The following ZNF506 variants were observed in gnomAD, a reference collection of about 807,000 sequenced individuals.
The protein encoded by ZNF506 is zinc finger protein 506.
ZNF506 carries 10 observed loss-of-function variants against 11.6 expected under a neutral mutation model. The ratio of observed to expected loss-of-function variants is 0.86; its 90% CI spans 0.53 to 1.46. The LOEUF (loss-of-function observed/expected upper bound fraction) is 1.46, where lower values mean the gene tolerates loss of function less well. ZNF506 is among the 40% of genes most tolerant of loss of function. The pLI is 0.00. For missense variants in ZNF506, 425 were observed against 521.2 expected (o/e 0.82, Z 1.80); for synonymous variants, 156 against 173.3 (o/e 0.90, Z 0.78).
At chr19:19,806,743 G>A (rs2062838491) in intron 2 of ZNF506, among the ~76,000 whole-genome samples, 199 bp downstream of exon 2, 1 of 152,058 alleles carries the variant, frequency 6.6e-6, no homozygotes, top group African/African-American at 2.4e-5. Flanking sequence ...GCTCAACTCA[G>A]GAATGTGGAA....
At position 19,795,520 on chromosome 19, in the gene ZNF506, A is replaced by G. The variant is rs761921249; in HGVS notation, c.367T>C (p.Cys123Arg). 47 of 1,598,766 alleles carry G rather than the reference A, an allele frequency of 2.9e-5. No individual in the cohort carries two copies. Among genetic ancestry groups the G allele is most frequent in the African/African-American group, 5.4e-5 (4 of 73,884 alleles). The change falls in exon 4 of 4, where the codon TGT becomes CGT. Residue 123 changes from cysteine (C) to arginine (R), a missense_variant. Physicochemically the swap from Cys to Arg is radical, Grantham distance 180. This residue lies in a region of ZNF506 where 226 missense variants were observed against 279.1 expected (regional missense o/e 0.81). Transcript: ENST00000540806. ...LKKGCESVDE[C>R]PVHKRGYNGL... is the part of the protein sequence containing the mutation. ...TTATAACCTCTTTTGTGCACTGGAC[A>G]CTCATCTACACTTTCACAGCCTTTT...
intron 1 of ZNF506, among the ~76,000 whole-genome samples, chr19:19,810,512 AG>A (rs1256390119): frequency 1.3e-5 from 2 of 152,334 alleles, no homozygotes; most frequent in African/African-American, 4.8e-5. Context: ...ATGTAGTTAA[AG>A]GTCCCAGCAT....
intron 1 of ZNF506, among the ~76,000 whole-genome samples, chr19:19,814,794 C>CT (rs927076155): frequency 2.7e-4 from 41 of 152,138 alleles, no homozygotes; most frequent in African/African-American, 9.9e-4. Flanking sequence ...GGGCTGTACT[C>CT]TATTTATTTC....
chr19:19,811,363 T>G (rs1355354343), intron 1 of ZNF506, among the ~76,000 whole-genome samples: 2 of 152,158 alleles, frequency 1.3e-5, no homozygotes, highest in Non-Finnish European at 2.9e-5. Flanking sequence ...TTTCACCATA[T>G]TGGCCAGGCT....
intron 1 of ZNF506, chr19:19,820,599 CAGG>C (rs1275837397): frequency 6.6e-6 from 1 of 152,170 alleles, no homozygotes; most frequent in South Asian, 2.1e-4. Context: ...GAGGCTGAGG[CAGG>C]AGAATGGCGT....
chr19:19,808,108 C>T (rs1466840107), intron 1 of ZNF506, among the ~76,000 whole-genome samples: 13 of 56,772 alleles, frequency 2.3e-4, no homozygotes, highest in African/African-American at 3.1e-4. Context: ...TCATTAACCA[C>T]TTTTTTTTTT....
rs561664006 is a variant in ZNF506, at chr19:19,801,790, C to CA, written c.226+4240dup. ...TGGGTGACAGAGTGAGACTCTGTCT[C>CA]AAAAAAAAAAGAGAAACCTACTCTG... On this transcript the variant is annotated intron_variant, in intron 3 of 3. Transcript: ENST00000540806. Among the ~76,000 whole-genome samples, 114 of 138,652 alleles carry CA rather than the reference C, an allele frequency of 8.2e-4. 1 individual carries two copies. The highest frequency in any genetic ancestry group is 3.7e-3 in the Middle Eastern group (1 of 268). The allele number at this position is 138,652 out of a possible 152,430, so 91.0% of individuals were successfully genotyped here. A position where few individuals can be genotyped will look rare whatever the true frequency, so the allele number is the denominator to read the frequency against.
At chr19:19,808,775 G>A (rs1425923037) in intron 1 of ZNF506, among the ~76,000 whole-genome samples, 3 of 138,926 alleles carry the variant, frequency 2.2e-5, no homozygotes, top group African/African-American at 8.1e-5. Flanking sequence ...CCCGGGAGGT[G>A]AAGTTTGCAC....
chr19:19,796,700 G>C (rs2062745477), intron 3 of ZNF506: 1 of 152,186 alleles, frequency 6.6e-6, no homozygotes, highest in Admixed American at 6.5e-5. Context: ...ACCGTGCCCG[G>C]CCTCTAGGGG....
intron 1 of ZNF506, 126 bp from the exon 2 acceptor site, chr19:19,807,194 A>C: frequency 6.9e-7 from 1 of 1,459,778 alleles, no homozygotes; most frequent in Non-Finnish European, 9.2e-7. Context: ...TATCCAATAA[A>C]ATGATTTTCA....
chr19:19,805,914 A>C, intron 3 of ZNF506, 117 bp downstream of exon 3: 1 of 888,474 alleles, frequency 1.1e-6, no homozygotes, highest in East Asian at 2.8e-5. Context: ...AAAGCTGCCC[A>C]GGAACTATTT....
At chr19:19,800,391 A>AATATATATATATATTTTTATATAT (rs1555771286) in intron 3 of ZNF506, among the ~76,000 whole-genome samples, 1 of 139,244 alleles carries the variant, frequency 7.2e-6, no homozygotes. Flanking sequence ...AACTAAACAG[A>AATATATATATATATTTTTATATAT]ATATATATAT....
intron 1 of ZNF506, among the ~76,000 whole-genome samples, chr19:19,807,804 G>A (rs1428505721): frequency 1.3e-5 from 2 of 151,654 alleles, no homozygotes; most frequent in African/African-American, 4.8e-5. Flanking sequence ...CACCGCGCCC[G>A]GTCAATTTTT....
At chr19:19,814,735 G>T (rs140317562) in intron 1 of ZNF506, among the ~76,000 whole-genome samples, 1 of 152,238 alleles carries the variant, frequency 6.6e-6, no homozygotes, top group Admixed American at 6.5e-5. Context: ...GGGAGAGAGT[G>T]CAATGTAGGT....
chr19:19,807,790 G>A (rs1379850668), intron 1 of ZNF506, among the ~76,000 whole-genome samples: 1 of 152,130 alleles, frequency 6.6e-6, no homozygotes, highest in Non-Finnish European at 1.5e-5. Flanking sequence ...TTATAGGCGT[G>A]AGCCACCGCG....
chr19:19,794,217 GGAGAA>G lies in ZNF506; in HGVS notation c.*330_*334del. ...CCCAGCTACTCGGGAGGCTGAGGCA[GGAGAA>G]TGGCTTGATACCAGGAGGCAGAAGT... On this transcript the variant is annotated 3_prime_UTR_variant, in exon 4 of 4. Coordinates refer to ENST00000540806, the MANE Select transcript of ZNF506 (RefSeq NM_001099269.3). The G allele has an allele frequency of 5.4e-6, 1 of 185,902 alleles. No homozygotes were observed. The highest frequency in any genetic ancestry group is 5.4e-5 in the Admixed American group (1 of 18,518). The allele number at this position is 185,902 out of a possible 1,614,324, so 11.5% of individuals were successfully genotyped here. A position where few individuals can be genotyped will look rare whatever the true frequency, so the allele number is the denominator to read the frequency against.
intron 1 of ZNF506, among the ~76,000 whole-genome samples, chr19:19,816,062 G>C (rs2062928286): frequency 6.6e-6 from 1 of 151,760 alleles, no homozygotes; most frequent in African/African-American, 2.4e-5. Context: ...TGAGTTAGAT[G>C]GTGCTCTCTT....
At chr19:19,809,250 G>C (rs1423814692) in intron 1 of ZNF506, among the ~76,000 whole-genome samples, 1 of 152,178 alleles carries the variant, frequency 6.6e-6, no homozygotes, top group Non-Finnish European at 1.5e-5. Flanking sequence ...ATGATGCAGA[G>C]AATAAAGAGA....
chr19:19,807,470 T>G (rs746881151), intron 1 of ZNF506, among the ~76,000 whole-genome samples: 3 of 150,664 alleles, frequency 2.0e-5, no homozygotes, highest in Non-Finnish European at 4.4e-5. Context: ...GTTATGCAGG[T>G]TTTTTTTTCC....
Sources: gnomAD v4.1 joint callset for allele counts (sites outside exome capture counted in the v4.1 genomes callset) on GRCh38, gnomAD v4.1.1 for gene constraint, gnomAD v4.1.1 regional missense constraint, MANE v1.5 for transcripts, NCBI Gene and HGNC (gene_info 2026-07-23, HGNC 2026-07-21) for gene names.